The following DOCK1 variants were observed in gnomAD, a reference collection of about 807,000 sequenced individuals.
DOCK1 encodes dedicator of cytokinesis protein 1.
Under a neutral mutation model 262.7 loss-of-function variants are expected in DOCK1, and 138 were observed. That is an observed-to-expected ratio of 0.53 (90% CI 0.46 to 0.61). The LOEUF (loss-of-function observed/expected upper bound fraction) is 0.61, where lower values mean the gene tolerates loss of function less well. Ranked by LOEUF, DOCK1 falls within the 20% of genes least tolerant of loss-of-function variation. The pLI is 0.00. For missense variants in DOCK1, 1,908 were observed against 2,370.7 expected (o/e 0.80, Z 4.05); for synonymous variants, 866 against 867.4 (o/e 1.00, Z 0.03).
At chr10:127,009,573 C>T (rs1310313830) in intron 11 of DOCK1, among the ~76,000 whole-genome samples, 1 of 152,060 alleles carries the variant, frequency 6.6e-6, no homozygotes, top group Non-Finnish European at 1.5e-5. Context: ...ACAGCTTCCT[C>T]CTGGGCGTGG....
chr10:126,982,206 G>A (rs1157066825), intron 4 of DOCK1, among the ~76,000 whole-genome samples: 1 of 152,112 alleles, frequency 6.6e-6, no homozygotes, highest in Non-Finnish European at 1.5e-5. Context: ...TACTGTCCTT[G>A]AACCTGGGGT....
chr10:127,105,154 T>C (rs1214751457), intron 23 of DOCK1, among the ~76,000 whole-genome samples: 2 of 152,192 alleles, frequency 1.3e-5, no homozygotes, highest in Non-Finnish European at 2.9e-5. Context: ...CCATGTAAGA[T>C]GTGCTTTTGC....
intron 47 of DOCK1, among the ~76,000 whole-genome samples, chr10:127,431,543 A>G (rs1351816875): frequency 6.6e-6 from 1 of 152,234 alleles, no homozygotes; most frequent in Non-Finnish European, 1.5e-5. Context: ...TTCTAAAGGC[A>G]GAGTAATTAC....
chr10:127,277,243 G>A (rs371314767), intron 29 of DOCK1, among the ~76,000 whole-genome samples: 7 of 152,060 alleles, frequency 4.6e-5, no homozygotes, highest in Admixed American at 6.6e-5. Context: ...AACATTATTG[G>A]TAGCTAATAA....
chr10:127,349,094 C>G (rs1273141849), intron 31 of DOCK1, among the ~76,000 whole-genome samples: 3 of 152,086 alleles, frequency 2.0e-5, no homozygotes, highest in Non-Finnish European at 4.4e-5. Context: ...CCCCTCTCAC[C>G]TCTTTAGGAA....
intron 6 of DOCK1, among the ~76,000 whole-genome samples, chr10:126,991,720 G>A (rs1286767868): frequency 6.6e-6 from 1 of 151,922 alleles, no homozygotes; most frequent in East Asian, 1.9e-4. Flanking sequence ...GTAGAGATGG[G>A]GTTTTTCCAT....
intron 25 of DOCK1, among the ~76,000 whole-genome samples, chr10:127,113,357 C>T (rs984612699): frequency 1.3e-5 from 2 of 152,176 alleles, no homozygotes; most frequent in African/African-American, 4.8e-5. Flanking sequence ...TTCGTGGGGG[C>T]TCCCTGGGTG....
At chr10:127,357,646 G>C (rs2064209960) in intron 32 of DOCK1, among the ~76,000 whole-genome samples, 1 of 152,204 alleles carries the variant, frequency 6.6e-6, no homozygotes, top group African/African-American at 2.4e-5. Flanking sequence ...TTTTAGCCAG[G>C]AACACTGACT....
chr10:127,364,045 T>C (rs1418942078), intron 33 of DOCK1, among the ~76,000 whole-genome samples: 6 of 152,220 alleles, frequency 3.9e-5, no homozygotes, highest in African/African-American at 1.4e-4. Flanking sequence ...CTGTGGATGC[T>C]TCTCTTCTCT....
chr10:127,254,022 C>T (rs2059749126), intron 28 of DOCK1, among the ~76,000 whole-genome samples: 1 of 152,076 alleles, frequency 6.6e-6, no homozygotes, highest in Admixed American at 6.5e-5. Context: ...GACAGGGATG[C>T]ACCTGCCCTA....
intron 29 of DOCK1, among the ~76,000 whole-genome samples, chr10:127,279,817 A>G (rs2060877674): frequency 6.6e-6 from 1 of 151,836 alleles, no homozygotes; most frequent in African/African-American, 2.4e-5. Context: ...GGTAATTTAT[A>G]AAGGATTATC....
chr10:127,042,723 G>C lies in DOCK1; in HGVS notation c.2100+9G>C, dbSNP rs751840777. The C allele has an allele frequency of 8.1e-6, 13 of 1,613,580 alleles. No individual in the cohort carries two copies. In the East Asian group the frequency reaches 2.5e-4, roughly 30 times the overall value. On this transcript the variant is annotated intron_variant, in intron 20 of 51. Coordinates refer to ENST00000623213, the MANE Select transcript of DOCK1 (RefSeq NM_001290223.2). ...TAGTCTTTGATGCTCTGGTAAGAGA[G>C]CTTTCCTTCTCATATGCTTGGATAA...
chr10:126,995,178 C>T lies in DOCK1; in HGVS notation c.474-1570C>T, dbSNP rs564700709. Among the ~76,000 whole-genome samples the T allele has an allele frequency of 1.7e-4, 25 of 150,692 alleles. No individual in the cohort carries two copies. Among genetic ancestry groups the T allele is most frequent in the South Asian group, 8.5e-4 (4 of 4,724 alleles). On this transcript the variant is annotated intron_variant, in intron 6 of 51. Transcript: ENST00000623213. This position sits in a 1 kb window ranked among gnomAD's most constrained non-coding sequence, Gnocchi z 5.8. The stretch of plus-strand genomic sequence containing the variant: ...AGACGGGATGACGGCCGGGAAGAGG[C>T]GCTCCTCACTTCCCAGACTGGGTGG...
intron 25 of DOCK1, among the ~76,000 whole-genome samples, chr10:127,116,589 C>T (rs142185677): frequency 8.1e-4 from 123 of 152,056 alleles, no homozygotes; most frequent in African/African-American, 2.7e-3. Context: ...AGAAAAGTTG[C>T]GTGTTTAAAA....
intron 28 of DOCK1, among the ~76,000 whole-genome samples, chr10:127,252,759 T>G (rs35974447): frequency 6.6e-6 from 1 of 150,982 alleles, no homozygotes; most frequent in South Asian, 2.1e-4. Context: ...TCTGTTTTGG[T>G]ACCAGTACCA....
In DOCK1 at chr10:127,210,622, C is replaced by T. The variant is rs1348049586; in HGVS notation, c.2848-37386C>T. On this transcript the variant is annotated intron_variant, in intron 27 of 51. Transcript: ENST00000623213. ...CCTGAGTCCTGCCTCTGAGCCACTGCCTGTTCCCTGGGTGGCTCCAGCCAT... is the reference window on the plus strand; with the variant it reads ...CCTGAGTCCTGCCTCTGAGCCACTGTCTGTTCCCTGGGTGGCTCCAGCCAT... Among the ~76,000 whole-genome samples, 3 of 152,190 alleles carry T rather than the reference C, an allele frequency of 2.0e-5. No individual in the cohort carries two copies. In the East Asian group the frequency reaches 5.8e-4, roughly 29 times the overall value.
intron 32 of DOCK1, among the ~76,000 whole-genome samples, chr10:127,360,868 A>ACAGC (rs2064386567): frequency 6.6e-6 from 1 of 152,178 alleles, no homozygotes; most frequent in South Asian, 2.1e-4. Flanking sequence ...AGCTTTGGGT[A>ACAGC]CAGCCCACTT....
At chr10:127,209,117 T>C (rs531689950) in intron 27 of DOCK1, among the ~76,000 whole-genome samples, 1 of 152,362 alleles carries the variant, frequency 6.6e-6, no homozygotes, top group South Asian at 2.1e-4. Flanking sequence ...ATTTATTTGA[T>C]GATCCAGAAT....
chr10:127,263,045 C>T (rs1377185287), intron 29 of DOCK1, among the ~76,000 whole-genome samples: 2 of 152,188 alleles, frequency 1.3e-5, no homozygotes, highest in Non-Finnish European at 2.9e-5. Context: ...CTCCTATTTC[C>T]CAAGAGAGTG....
Sources: gnomAD v4.1 joint callset for allele counts (sites outside exome capture counted in the v4.1 genomes callset) on GRCh38, gnomAD v4.1.1 for gene constraint, Gnocchi (gnomAD v3.1) non-coding constraint, MANE v1.5 for transcripts, NCBI Gene and HGNC (gene_info 2026-07-23, HGNC 2026-07-21) for gene names.